The following MYO1D variants were observed in gnomAD, a reference collection of about 807,000 sequenced individuals.
MYO1D encodes the protein myosin ID.
A neutral mutation model predicts 122.0 loss-of-function variants in MYO1D; 83 were observed. That is an observed-to-expected ratio of 0.68 (90% CI 0.57 to 0.82). The LOEUF is 0.82. Ranked by LOEUF, MYO1D falls within the 40% of genes least tolerant of loss-of-function variation. The pLI is 0.00. For missense variants in MYO1D, 1,157 were observed against 1,269.5 expected, an observed-to-expected ratio of 0.91 and a Z score of 1.35; for synonymous variants, 464 against 446.9, an observed-to-expected ratio of 1.04 and a Z score of -0.48.
At chr17:32,623,397 AC>A (rs111637596) in intron 20 of MYO1D, among the ~76,000 whole-genome samples, 24,625 of 152,136 alleles carry the variant, frequency 0.16, 2,130 homozygotes, top group Middle Eastern at 0.24. Context: ...ACAGTCCAGG[AC>A]CAGTATAGGC....
chr17:32,772,221 T>C (rs2151023650), intron 5 of MYO1D, among the ~76,000 whole-genome samples: 1 of 152,350 alleles, frequency 6.6e-6, no homozygotes, highest in Non-Finnish European at 1.5e-5. Context: ...ACAGGAAGGC[T>C]ATTTAAAAGA....
intron 21 of MYO1D, among the ~76,000 whole-genome samples, chr17:32,547,202 G>A (rs1413385987): frequency 1.3e-5 from 2 of 151,934 alleles, no homozygotes; most frequent in Non-Finnish European, 2.9e-5. Flanking sequence ...CCATTGTGCC[G>A]GCACGAGAAC....
intron 20 of MYO1D, among the ~76,000 whole-genome samples, chr17:32,637,491 C>T (rs374327151): frequency 3.9e-5 from 6 of 151,936 alleles, no homozygotes; most frequent in Admixed American, 6.6e-5. Context: ...GTCAACTTGG[C>T]GAAACCCCTC....
chr17:32,839,827 C>G (rs1179304514), intron 1 of MYO1D, among the ~76,000 whole-genome samples: 1 of 152,048 alleles, frequency 6.6e-6, no homozygotes, highest in Non-Finnish European at 1.5e-5. Context: ...TATTTTGCAA[C>G]GTGAATAGTG....
intron 6 of MYO1D, among the ~76,000 whole-genome samples, chr17:32,770,491 G>A (rs1271571764): frequency 2.0e-5 from 3 of 151,848 alleles, no homozygotes; most frequent in South Asian, 2.1e-4. Context: ...GGATAATAGT[G>A]TAACTATTAT....
At chr17:32,565,874 C>A (rs541214710) in intron 21 of MYO1D, among the ~76,000 whole-genome samples, 1 of 152,226 alleles carries the variant, frequency 6.6e-6, no homozygotes, top group East Asian at 1.9e-4. Flanking sequence ...GTGCGTGCCA[C>A]CAGGTGTGGC....
intron 4 of MYO1D, among the ~76,000 whole-genome samples, chr17:32,773,066 A>G (rs1440759440): frequency 6.6e-6 from 1 of 152,166 alleles, no homozygotes; most frequent in Admixed American, 6.5e-5. Context: ...CTCCCTTGGG[A>G]GATCAATCCC....
intron 16 of MYO1D, among the ~76,000 whole-genome samples, chr17:32,699,832 T>C (rs1421104943): frequency 6.6e-6 from 1 of 152,158 alleles, no homozygotes; most frequent in East Asian, 1.9e-4. Flanking sequence ...CAATTTTCCA[T>C]AATAAAAATA....
intron 20 of MYO1D, among the ~76,000 whole-genome samples, chr17:32,637,116 G>A (rs890494606): frequency 2.0e-5 from 3 of 152,128 alleles, no homozygotes; most frequent in East Asian, 1.9e-4. Context: ...AAACAGCTTC[G>A]GTTCAAAGAG....
intron 17 of MYO1D, among the ~76,000 whole-genome samples, chr17:32,654,996 T>A (rs1015614956): frequency 1.3e-5 from 2 of 152,110 alleles, no homozygotes; most frequent in Non-Finnish European, 2.9e-5. Context: ...TTCTCAAAAA[T>A]AACTGAAGCT....
intron 16 of MYO1D, among the ~76,000 whole-genome samples, chr17:32,662,866 A>G (rs1476568101): frequency 2.0e-5 from 3 of 151,430 alleles, no homozygotes; most frequent in Non-Finnish European, 4.4e-5. Context: ...TGTTATGACT[A>G]TTTGAAAGTC....
At chr17:32,772,677 C>A (rs980709216) in intron 5 of MYO1D, 112 bp downstream of exon 5, 3 of 859,168 alleles carry the variant, frequency 3.5e-6, no homozygotes, top group African/African-American at 3.4e-5. Context: ...TGACATGTTA[C>A]GGGGCCAATG....
At chr17:32,679,571 G>A (rs559288974) in intron 16 of MYO1D, among the ~76,000 whole-genome samples, 37 of 152,148 alleles carry the variant, frequency 2.4e-4, no homozygotes, top group South Asian at 2.3e-3. Context: ...GATAGTTGTA[G>A]GTATGTGGCG....
intron 1 of MYO1D, among the ~76,000 whole-genome samples, chr17:32,830,779 G>A (rs927590099): frequency 3.9e-5 from 6 of 152,106 alleles, no homozygotes; most frequent in Non-Finnish European, 7.3e-5. Context: ...AAAAAATACC[G>A]ATATGGGCGG....
chr17:32,725,112 T>C (rs1033171637), intron 14 of MYO1D, among the ~76,000 whole-genome samples: 1 of 152,146 alleles, frequency 6.6e-6, no homozygotes, highest in Non-Finnish European at 1.5e-5. Context: ...AATGAGAATT[T>C]TGTATAGAAC....
chr17:32,701,710 G>A (rs1417370798), intron 16 of MYO1D, among the ~76,000 whole-genome samples: 2 of 152,088 alleles, frequency 1.3e-5, no homozygotes, highest in East Asian at 3.9e-4. Flanking sequence ...CTACAGGTGT[G>A]CTCCACTATG....
At chr17:32,706,073 C>G (rs1213121931) in intron 16 of MYO1D, among the ~76,000 whole-genome samples, 4 of 152,138 alleles carry the variant, frequency 2.6e-5, no homozygotes, top group Non-Finnish European at 5.9e-5. Context: ...CTAATACAGT[C>G]AACATTCTTG....
At chr17:32,594,576 A>G (rs545456133) in intron 21 of MYO1D, 27 of 670,334 alleles carry the variant, frequency 4.0e-5, no homozygotes, top group Non-Finnish European at 7.0e-5. Flanking sequence ...TCTGTAACAT[A>G]AATTTTATAT....
intron 21 of MYO1D, among the ~76,000 whole-genome samples, chr17:32,552,688 T>G (rs1225519024): frequency 6.6e-6 from 1 of 152,180 alleles, no homozygotes; most frequent in East Asian, 1.9e-4. Flanking sequence ...GCAGTGGAAA[T>G]GCTCTTGCTC....
Sources: gnomAD v4.1 joint callset for allele counts (sites outside exome capture counted in the v4.1 genomes callset) on GRCh38, gnomAD v4.1.1 for gene constraint, MANE v1.5 for transcripts, NCBI Gene and HGNC (gene_info 2026-07-23, HGNC 2026-07-21) for gene names.